The following RBBP4 variants were observed in gnomAD, a reference collection of about 807,000 sequenced individuals.
RBBP4 encodes histone-binding protein RBBP4.
In RBBP4, 3 loss-of-function variants were observed where a neutral mutation model predicts 57.2. That is an observed-to-expected ratio of 0.05 (90% CI 0.02 to 0.14). The LOEUF (loss-of-function observed/expected upper bound fraction) is 0.14, where lower values mean the gene tolerates loss of function less well. Ranked by LOEUF, RBBP4 falls within the 10% of genes least tolerant of loss-of-function variation. The pLI is 1.00. For synonymous variants in RBBP4, 151 were observed against 171.5 expected, an observed-to-expected ratio of 0.88 and a Z score of 0.93; for missense variants, 107 against 520.6, an observed-to-expected ratio of 0.21 and a Z score of 7.73.
intron 3 of RBBP4, among the ~76,000 whole-genome samples, chr1:32,658,950 C>T (rs150667569): frequency 7.6e-6 from 1 of 131,014 alleles, no homozygotes. Context: ...TATAAACATA[C>T]GTATATATGT....
intron 10 of RBBP4, 25 bp from the exon 11 acceptor site, chr1:32,672,766 C>T (rs753751450): frequency 1.3e-6 from 2 of 1,552,884 alleles, no homozygotes; most frequent in Admixed American, 1.8e-5. Flanking sequence ...TGCATTTCAC[C>T]TCTTTGTTTT....
intron 11 of RBBP4, among the ~76,000 whole-genome samples, chr1:32,674,025 C>T (rs1414281963): frequency 2.0e-5 from 3 of 152,078 alleles, no homozygotes; most frequent in Non-Finnish European, 4.4e-5. Flanking sequence ...GGCGTGAACA[C>T]GGGAGGCGGA....
intron 11 of RBBP4, among the ~76,000 whole-genome samples, chr1:32,678,480 G>A (rs973604366): frequency 9.9e-5 from 15 of 150,932 alleles, no homozygotes; most frequent in South Asian, 6.3e-4. Context: ...GCCTGCCTTG[G>A]CCTCCCAAAA....
chr1:32,661,758 A>G (rs892236961), intron 3 of RBBP4, among the ~76,000 whole-genome samples: 2 of 139,360 alleles, frequency 1.4e-5, no homozygotes, highest in East Asian at 2.1e-4. Flanking sequence ...AGAGGCATCT[A>G]TCTGTTTTGA....
chr1:32,680,646 C>T lies in RBBP4; in HGVS notation c.*941C>T. On this transcript the variant is annotated 3_prime_UTR_variant, in exon 12 of 12. Transcript: ENST00000373493. ...GCTTAAAATGGAATAAATTGCTTTTCTACATAACCCCATGCTGATGGGTTT... is the reference window on the plus strand; with the variant it reads ...GCTTAAAATGGAATAAATTGCTTTTTTACATAACCCCATGCTGATGGGTTT... The T allele has an allele frequency of 9.0e-7, 1 of 1,112,498 alleles. No individual in the cohort carries two copies. 68.9% of individuals were successfully genotyped at this position (1,112,498 alleles called of 1,614,324 possible).
At chr1:32,673,037 C>A in intron 11 of RBBP4, 136 bp downstream of exon 11, 1 of 729,120 alleles carries the variant, frequency 1.4e-6, no homozygotes, top group Non-Finnish European at 2.2e-6. Context: ...CTTGTCTATA[C>A]ATTATCATTT....
intron 2 of RBBP4, among the ~76,000 whole-genome samples, chr1:32,654,971 A>C (rs1291774995): frequency 6.6e-6 from 1 of 152,154 alleles, no homozygotes; most frequent in Non-Finnish European, 1.5e-5. Flanking sequence ...CTGGGATTAC[A>C]GGCGTGAGCT....
chr1:32,678,567 CTTTTTTTTTTTTTTTTTT>C (rs558897341), intron 11 of RBBP4, among the ~76,000 whole-genome samples: 5 of 43,620 alleles, frequency 1.1e-4, no homozygotes, highest in South Asian at 1.1e-3. Flanking sequence ...TATGTGACAG[CTTTTTTTTTTTTTTTTTT>C]TTTTTTTTTT....
chr1:32,664,344 A>G (rs1301633480), intron 3 of RBBP4, among the ~76,000 whole-genome samples: 1 of 152,084 alleles, frequency 6.6e-6, no homozygotes, highest in Non-Finnish European at 1.5e-5. Context: ...TACTGAAATA[A>G]CCAATGTTAT....
chr1:32,681,776 T>C lies in RBBP4; in HGVS notation c.*2071T>C. Reference sequence around the variant, plus strand: ...ACTCTTGTCTGGTTGGAAGAGTACATCCAAAGGGTACTTAGTGATCCTTTG... The same window carrying C: ...ACTCTTGTCTGGTTGGAAGAGTACACCCAAAGGGTACTTAGTGATCCTTTG... On this transcript the variant is annotated 3_prime_UTR_variant, in exon 12 of 12. Coordinates refer to ENST00000373493, the MANE Select transcript of RBBP4 (RefSeq NM_005610.3). 6.2e-7 allele frequency: 1 copy of C among 1,613,482 alleles called. No homozygotes were observed.
Position 32,669,690 on chromosome 1 carries a change from A to G in RBBP4, c.966+127A>G, listed in dbSNP as rs1444525445. The G allele has an allele frequency of 2.2e-6, 3 of 1,377,484 alleles. No homozygotes were observed. The highest frequency in any genetic ancestry group is 1.7e-5 in the South Asian group (1 of 58,752). The allele number at this position is 1,377,484 out of a possible 1,614,324, so 85.3% of individuals were successfully genotyped here. ...CGGATCACAAGGTCAGGAGATCGAGACCATCCTGGCTAACACGGTGAAACC... is the reference window on the plus strand; with the variant it reads ...CGGATCACAAGGTCAGGAGATCGAGGCCATCCTGGCTAACACGGTGAAACC... On this transcript the variant is annotated intron_variant, in intron 8 of 11. Coordinates refer to ENST00000373493, the MANE Select transcript of RBBP4 (RefSeq NM_005610.3). This position sits in a 1 kb window ranked among gnomAD's most constrained non-coding sequence, Gnocchi z 4.9.
intron 2 of RBBP4, among the ~76,000 whole-genome samples, chr1:32,653,885 C>G (rs1354095480): frequency 6.6e-6 from 1 of 151,794 alleles, no homozygotes; most frequent in Non-Finnish European, 1.5e-5. Context: ...GTCTCAATCT[C>G]CTGACCTCAT....
In RBBP4 at chr1:32,681,667, C is replaced by T; in HGVS notation, c.*1962C>T. On this transcript the variant is annotated 3_prime_UTR_variant, in exon 12 of 12. Coordinates refer to ENST00000373493, the MANE Select transcript of RBBP4 (RefSeq NM_005610.3). ...CCAGCAAAGAGTTGACATGTTCTGCCTCCGGCCAACTCTAGAATCTTTTTA... is the reference window on the plus strand; with the variant it reads ...CCAGCAAAGAGTTGACATGTTCTGCTTCCGGCCAACTCTAGAATCTTTTTA... 2.4e-6 allele frequency: 2 copies of T among 828,876 alleles called. No homozygotes were observed. The highest frequency in any genetic ancestry group is 3.3e-5 in the South Asian group (2 of 60,966). 51.3% of individuals were successfully genotyped at this position (828,876 alleles called of 1,614,324 possible).
At position 32,684,315 on chromosome 1, in the gene RBBP4, T is replaced by C. The variant is rs1283267529; in HGVS notation, c.*4610T>C. The C allele has an allele frequency of 2.5e-6, 4 of 1,614,100 alleles. No individual in the cohort carries two copies. In the Admixed American group the frequency reaches 5.0e-5, roughly 20 times the overall value. ...CCTTAGCTGTTCCATCTCTTTGTTC[T>C]TCTGTTGCTGGAGTTGCACCCCATT... On this transcript the variant is annotated 3_prime_UTR_variant, in exon 12 of 12. Coordinates refer to ENST00000373493, the MANE Select transcript of RBBP4 (RefSeq NM_005610.3).
In RBBP4 at chr1:32,651,216, T is replaced by C; in HGVS notation, c.-91T>C. On this transcript the variant is annotated 5_prime_UTR_variant, in exon 1 of 12. Coordinates refer to ENST00000373493, the MANE Select transcript of RBBP4 (RefSeq NM_005610.3). ...CTCGCGCTGGGGGCGCAGGAAACAA[T>C]AGAGGCCGCGCGCACAGAGCGAGCT... is the stretch of plus-strand genomic sequence containing the variant. The C allele has an allele frequency of 3.4e-6, 5 of 1,487,540 alleles. No homozygotes were observed. The highest frequency in any genetic ancestry group is 4.5e-6 in the Non-Finnish European group (5 of 1,113,234). 92.1% of individuals were successfully genotyped at this position (1,487,540 alleles called of 1,614,324 possible). A position where few individuals can be genotyped will look rare whatever the true frequency, so the allele number is the denominator to read the frequency against.
chr1:32,681,275 G>A lies in RBBP4; in HGVS notation c.*1570G>A, dbSNP rs1403697696. ...TTTCTTTTCAAGTCTAGTTGTTTTAGAGTATAGTGAGAAATACCTTGACAC... is the reference window on the plus strand; with the variant it reads ...TTTCTTTTCAAGTCTAGTTGTTTTAAAGTATAGTGAGAAATACCTTGACAC... On this transcript the variant is annotated 3_prime_UTR_variant, in exon 12 of 12. Coordinates refer to ENST00000373493, the MANE Select transcript of RBBP4 (RefSeq NM_005610.3). The A allele has an allele frequency of 6.6e-6, 1 of 152,654 alleles. No individual in the cohort carries two copies. Among genetic ancestry groups the A allele is most frequent in the Non-Finnish European group, 1.5e-5 (1 of 68,410 alleles). 9.5% of individuals were successfully genotyped at this position (152,654 alleles called of 1,614,324 possible).
At position 32,680,021 on chromosome 1, in the gene RBBP4, C is replaced by A. The variant is rs1649322742; in HGVS notation, c.*316C>A. On this transcript the variant is annotated 3_prime_UTR_variant, in exon 12 of 12. Transcript: ENST00000373493. ...GCTATATCCCCAAGTTTTTCAGACT[C>A]ATTTAAGTAAAGGCTAGAGTGAGTA... is the stretch of plus-strand genomic sequence containing the variant. The A allele has an allele frequency of 1.3e-5, 15 of 1,126,510 alleles. 1 individual carries two copies. The South Asian group carries it at 4.3e-4, about 32-fold the overall frequency. The allele number at this position is 1,126,510 out of a possible 1,614,324, so 69.8% of individuals were successfully genotyped here. A position where few individuals can be genotyped will look rare whatever the true frequency, so the allele number is the denominator to read the frequency against.
In RBBP4 at chr1:32,656,756, A is replaced by G. The variant is rs1430523999; in HGVS notation, c.165-671A>G. 3.3e-5 allele frequency among the ~76,000 whole-genome samples: 5 copies of G among 152,230 alleles called. No individual in the cohort carries two copies. In the South Asian group the frequency reaches 1.0e-3, roughly 32 times the overall value. On this transcript the variant is annotated intron_variant, in intron 2 of 11. Coordinates refer to ENST00000373493, the MANE Select transcript of RBBP4 (RefSeq NM_005610.3). ...TGATAGGCGGTTAGTAAATGTTTGA[A>G]AAATTGGTTTATGTTATTTACTCTT... is the stretch of plus-strand genomic sequence containing the variant.
At chr1:32,660,012 G>A (rs1648331387) in intron 3 of RBBP4, among the ~76,000 whole-genome samples, 1 of 152,156 alleles carries the variant, frequency 6.6e-6, no homozygotes, top group South Asian at 2.1e-4. Flanking sequence ...ATGTATTTAT[G>A]TCTGTTTCTC....
Sources: allele counts gnomAD v4.1 joint callset (sites outside exome capture counted in the v4.1 genomes callset), GRCh38; gene constraint gnomAD v4.1.1; non-coding constraint Gnocchi (gnomAD v3.1); transcripts MANE v1.5; gene names NCBI Gene and HGNC (gene_info 2026-07-23, HGNC 2026-07-21).